SERGEF: variants seen among roughly 807,000 people sequenced by gnomAD.
SERGEF encodes the protein secretion-regulating guanine nucleotide exchange factor.
In SERGEF, 51 loss-of-function variants were observed where a neutral mutation model predicts 50.0. That is an observed-to-expected ratio of 1.02 (90% CI 0.81 to 1.29). The LOEUF is 1.29. Among genes scored for constraint, SERGEF ranks in the 50% most tolerant of loss-of-function variants. SERGEF has a pLI of 0.00. For missense variants in SERGEF, 521 were observed against 557.0 expected, an observed-to-expected ratio of 0.94 and a Z score of 0.65; for synonymous variants, 205 against 212.4, an observed-to-expected ratio of 0.97 and a Z score of 0.30.
intron 9 of SERGEF, among the ~76,000 whole-genome samples, chr11:17,922,584 T>C (rs1217737153): frequency 6.6e-6 from 1 of 152,178 alleles, no homozygotes; most frequent in Admixed American, 6.5e-5. Context: ...TGGCGTACTA[T>C]GTGGTACTCA....
chr11:17,939,034 G>A (rs1483103528), intron 9 of SERGEF, among the ~76,000 whole-genome samples: 3 of 152,214 alleles, frequency 2.0e-5, no homozygotes, highest in Non-Finnish European at 2.9e-5. Flanking sequence ...ATGAAAGAAT[G>A]TTTATTCTGG....
intron 8 of SERGEF, among the ~76,000 whole-genome samples, chr11:17,975,176 G>T (rs778546264): frequency 6.6e-6 from 1 of 152,218 alleles, no homozygotes; most frequent in Admixed American, 6.5e-5. Context: ...CACATTGAGC[G>T]AAGCAAGGCT....
intron 9 of SERGEF, among the ~76,000 whole-genome samples, chr11:17,894,560 C>T (rs913278918): frequency 6.6e-6 from 1 of 152,172 alleles, no homozygotes; most frequent in African/African-American, 2.4e-5. Context: ...TTGATTATAA[C>T]TTTCTTAATC....
chr11:17,912,628 G>A (rs948372965), intron 9 of SERGEF, among the ~76,000 whole-genome samples: 5 of 152,090 alleles, frequency 3.3e-5, no homozygotes, highest in South Asian at 2.1e-4. Flanking sequence ...TTTAATCTTC[G>A]AATAATCCTA....
intron 10 of SERGEF, among the ~76,000 whole-genome samples, chr11:17,861,285 T>G (rs936731415): frequency 6.6e-6 from 1 of 152,138 alleles, no homozygotes; most frequent in Non-Finnish European, 1.5e-5. Flanking sequence ...CATAATTCGC[T>G]CCAATGATAC....
intron 8 of SERGEF, among the ~76,000 whole-genome samples, chr11:17,977,263 A>G (rs1267130094): frequency 6.6e-6 from 1 of 152,250 alleles, no homozygotes; most frequent in East Asian, 1.9e-4. Context: ...GGCAATGAAA[A>G]CTGCTATAAT....
At chr11:17,805,435 G>A (rs564064747) in intron 10 of SERGEF, among the ~76,000 whole-genome samples, 2 of 152,340 alleles carry the variant, frequency 1.3e-5, no homozygotes, top group African/African-American at 2.4e-5. Context: ...CTGAGCTCAC[G>A]GTGGCTCATG....
intron 9 of SERGEF, among the ~76,000 whole-genome samples, chr11:17,930,429 T>C (rs1035063910): frequency 1.3e-5 from 2 of 152,142 alleles, no homozygotes; most frequent in Non-Finnish European, 2.9e-5. Flanking sequence ...GCTTTGAACT[T>C]GAGCTCCTTC....
chr11:18,011,150 A>ACACACT (rs1854188201), intron 1 of SERGEF, among the ~76,000 whole-genome samples: 1 of 150,116 alleles, frequency 6.7e-6, no homozygotes, highest in East Asian at 1.9e-4. Flanking sequence ...ACACACACAC[A>ACACACT]CACACACACA....
At chr11:17,849,807 A>G (rs1015129446) in intron 10 of SERGEF, among the ~76,000 whole-genome samples, 8 of 152,244 alleles carry the variant, frequency 5.3e-5, no homozygotes, top group African/African-American at 1.9e-4. Flanking sequence ...ACCATCAGTA[A>G]GTGGCAAAAT....
At chr11:17,804,415 A>T (rs2133828864) in intron 10 of SERGEF, among the ~76,000 whole-genome samples, 1 of 152,366 alleles carries the variant, frequency 6.6e-6, no homozygotes, top group African/African-American at 2.4e-5. Context: ...ACAGCTTCCC[A>T]GACCATAGTT....
intron 9 of SERGEF, among the ~76,000 whole-genome samples, chr11:17,928,221 C>A (rs1254857896): frequency 6.6e-6 from 1 of 152,174 alleles, no homozygotes; most frequent in Non-Finnish European, 1.5e-5. Context: ...TTTCTCCCGG[C>A]CTCACCTGTC....
chr11:17,833,404 G>A (rs1850346397), intron 10 of SERGEF, among the ~76,000 whole-genome samples: 1 of 152,230 alleles, frequency 6.6e-6, no homozygotes, highest in African/African-American at 2.4e-5. Context: ...GCAGAAGTTT[G>A]CTGTAGGGGT....
chr11:17,878,421 T>C (rs1236908683), intron 9 of SERGEF, among the ~76,000 whole-genome samples, 177 bp from the exon 10 acceptor site: 3 of 152,100 alleles, frequency 2.0e-5, no homozygotes, highest in East Asian at 3.8e-4. Context: ...CACAGCTACA[T>C]AAAAAGAAAA....
At chr11:17,944,365 T>G (rs1003458139) in intron 9 of SERGEF, among the ~76,000 whole-genome samples, 3 of 152,188 alleles carry the variant, frequency 2.0e-5, no homozygotes, top group African/African-American at 7.2e-5. Context: ...AAATAAACAC[T>G]GATATGTAAC....
intron 8 of SERGEF, among the ~76,000 whole-genome samples, chr11:17,970,725 G>C (rs528762905): frequency 1.6e-4 from 24 of 152,264 alleles, no homozygotes; most frequent in Admixed American, 6.5e-4. Context: ...TGCTGATATA[G>C]AGAAAGTTCT....
intron 10 of SERGEF, among the ~76,000 whole-genome samples, chr11:17,817,508 G>A (rs193256984): frequency 1.3e-3 from 202 of 152,208 alleles, no homozygotes; most frequent in African/African-American, 4.4e-3. Flanking sequence ...GAGCCACCAC[G>A]CCTGGCCTCC....
intron 8 of SERGEF, among the ~76,000 whole-genome samples, chr11:17,982,216 C>T (rs1449612084): frequency 6.6e-6 from 1 of 152,182 alleles, no homozygotes; most frequent in Non-Finnish European, 1.5e-5. Context: ...TGTAACAAGG[C>T]AGAAAGAACA....
intron 10 of SERGEF, among the ~76,000 whole-genome samples, chr11:17,854,190 C>T (rs1850771519): frequency 6.6e-6 from 1 of 152,122 alleles, no homozygotes; most frequent in African/African-American, 2.4e-5. Context: ...TGTACATATA[C>T]ATAAAGAAAA....
Sources: allele counts gnomAD v4.1 joint callset (sites outside exome capture counted in the v4.1 genomes callset), GRCh38; gene constraint gnomAD v4.1.1; transcripts MANE v1.5; gene names NCBI Gene and HGNC (gene_info 2026-07-23, HGNC 2026-07-21).